Variants in DNAAF5 observed in about 807,000 individuals in gnomAD.
DNAAF5 encodes the protein HEAT repeat containing 2.
Under a neutral mutation model 75.8 loss-of-function variants are expected in DNAAF5, and 64 were observed. The ratio of observed to expected loss-of-function variants is 0.84; its 90% CI spans 0.69 to 1.04. The LOEUF (loss-of-function observed/expected upper bound fraction) is 1.04. Ranked by LOEUF, DNAAF5 falls within the 50% of genes least tolerant of loss-of-function variation. The pLI, the probability that DNAAF5 is intolerant of heterozygous loss-of-function variation, is 0.00. For synonymous variants in DNAAF5, 657 were observed against 557.2 expected, an observed-to-expected ratio of 1.18 and a Z score of -2.52; for missense variants, 1,269 against 1,178.5, an observed-to-expected ratio of 1.08 and a Z score of -1.12.
intron 8 of DNAAF5, among the ~76,000 whole-genome samples, chr7:764,318 G>T (rs79417077): frequency 6.6e-6 from 1 of 152,216 alleles, no homozygotes; most frequent in Non-Finnish European, 1.5e-5. Context: ...GGTGCTGTGT[G>T]TGTGACATGG....
At chr7:751,500 TA>T (rs1782292982) in intron 4 of DNAAF5, among the ~76,000 whole-genome samples, 1 of 151,396 alleles carries the variant, frequency 6.6e-6, no homozygotes, top group Admixed American at 6.6e-5. Flanking sequence ...ACCCTTTCTC[TA>T]AAAATAGAAA....
chr7:754,770 C>T lies in DNAAF5; in HGVS notation c.1206C>T (p.Leu402=). The T allele has an allele frequency of 6.2e-7, 1 of 1,613,110 alleles. No homozygotes were observed. The highest frequency in any genetic ancestry group is 8.5e-7 in the Non-Finnish European group (1 of 1,179,810). The change falls in exon 5 of 13, where the codon CTC becomes CTT. Residue 402 remains leucine, a synonymous_variant. Coordinates refer to ENST00000297440, the MANE Select transcript of DNAAF5 (RefSeq NM_017802.4). The surrounding 1 kb of genome is among the most constrained non-coding windows in gnomAD (Gnocchi z 4.8). ...DHATQHLEVV[L]RTLFQACTDE... is the part of the protein sequence containing the mutation. ...CCACGCAGCACCTGGAGGTCGTCCT[C>T]CGGACCCTGTTCCAGGCCTGCACCG...
chr7:730,138 G>A (rs1000565284), intron 2 of DNAAF5, among the ~76,000 whole-genome samples: 1 of 152,224 alleles, frequency 6.6e-6, no homozygotes, highest in Non-Finnish European at 1.5e-5. Flanking sequence ...AGGTTCCTTA[G>A]TGCTCCCATC....
chr7:781,402 T>A (rs1562403347), intron 12 of DNAAF5, among the ~76,000 whole-genome samples: 1 of 152,230 alleles, frequency 6.6e-6, no homozygotes, highest in East Asian at 1.9e-4. Context: ...CGCTCCACGT[T>A]TTCCTTCTCC....
chr7:776,206 C>A (rs1344357937), intron 11 of DNAAF5, among the ~76,000 whole-genome samples: 1 of 151,984 alleles, frequency 6.6e-6, no homozygotes, highest in Non-Finnish European at 1.5e-5. Context: ...CATGGTGGTG[C>A]GCGCCTGTAG....
chr7:731,769 G>A (rs551267335), intron 2 of DNAAF5, among the ~76,000 whole-genome samples: 27 of 152,048 alleles, frequency 1.8e-4, no homozygotes, highest in African/African-American at 5.8e-4. Flanking sequence ...AGCATGGCCC[G>A]TTTCTTCCCA....
chr7:784,112 A>G (rs1779072673), intron 12 of DNAAF5, among the ~76,000 whole-genome samples: 3 of 147,210 alleles, frequency 2.0e-5, no homozygotes, highest in East Asian at 2.2e-4. Context: ...CCCTGGGCCC[A>G]TGGCAGGCAT....
intron 4 of DNAAF5, chr7:751,041 G>A (rs1713407718): frequency 6.6e-6 from 1 of 152,336 alleles, no homozygotes; most frequent in African/African-American, 2.4e-5. Flanking sequence ...CTACTCAGGA[G>A]GCTGAGACAT....
At chr7:755,073 ATGTTGTGTAGACG>A (rs775875560) in intron 5 of DNAAF5, among the ~76,000 whole-genome samples, 2 of 152,152 alleles carry the variant, frequency 1.3e-5, no homozygotes, top group African/African-American at 2.4e-5. Flanking sequence ...TGCCAGGTGC[ATGTTGTGTAGACG>A]TGTTGTGTAG....
chr7:751,573 T>A (rs1457846317), intron 4 of DNAAF5, among the ~76,000 whole-genome samples: 56 of 19,430 alleles, frequency 2.9e-3, no homozygotes, highest in African/African-American at 0.011. Context: ...GTTCTGAATT[T>A]TTTTTTTTTT....
intron 4 of DNAAF5, among the ~76,000 whole-genome samples, chr7:744,071 T>C (rs1056728905): frequency 6.6e-6 from 1 of 152,108 alleles, no homozygotes. Flanking sequence ...GTATATCTCC[T>C]AATGCTATCC....
intron 2 of DNAAF5, among the ~76,000 whole-genome samples, chr7:737,783 C>T (rs181753148): frequency 6.1e-4 from 93 of 152,328 alleles, no homozygotes; most frequent in African/African-American, 1.1e-3. Flanking sequence ...CGTTGCCAGG[C>T]GTACTGGAGC....
intron 2 of DNAAF5, among the ~76,000 whole-genome samples, chr7:740,526 A>C (rs570804855): frequency 1.2e-4 from 18 of 152,308 alleles, no homozygotes; most frequent in Admixed American, 8.5e-4. Context: ...CAACAGGACC[A>C]GGCCGGGGCA....
intron 6 of DNAAF5, among the ~76,000 whole-genome samples, chr7:757,285 A>C (rs1355471053): frequency 1.4e-5 from 2 of 146,812 alleles, no homozygotes; most frequent in Non-Finnish European, 1.5e-5. Flanking sequence ...TCACGTTTAC[A>C]TTCGTTGCTG....
At chr7:728,995 C>CTTTTTTTTTTTT (rs398003363) in intron 1 of DNAAF5, among the ~76,000 whole-genome samples, 1 of 125,606 alleles carries the variant, frequency 8.0e-6, no homozygotes, top group Non-Finnish European at 1.6e-5. Context: ...TTGGTTCTGA[C>CTTTTTTTTTTTT]TTTTTTTTTT....
Position 726,930 on chromosome 7 carries a change from G to A in DNAAF5, c.210G>A (p.Gln70=), listed in dbSNP as rs924325564. 5.2e-6 allele frequency: 7 copies of A among 1,341,448 alleles called. No individual in the cohort carries two copies. The African/African-American group carries it at 9.2e-5, about 18-fold the overall frequency. The allele number at this position is 1,341,448 out of a possible 1,614,324, so 83.1% of individuals were successfully genotyped here. A position where few individuals can be genotyped will look rare whatever the true frequency, so the allele number is the denominator to read the frequency against. Residue 70 remains glutamine (Q), a synonymous_variant, in exon 1 of 13, where the codon CAG becomes CAA. Coordinates refer to ENST00000297440, the MANE Select transcript of DNAAF5 (RefSeq NM_017802.4). ...CTGCCGCCGACCCCACCGCTTTCCAGGGCCCCTGGGCGCGCCTACTGCTGC... is the reference window on the plus strand; with the variant it reads ...CTGCCGCCGACCCCACCGCTTTCCAAGGCCCCTGGGCGCGCCTACTGCTGC... ...PGPAADPTAF[Q]GPWARLLLPR... is the part of the protein sequence containing the mutation.
At chr7:761,381 A>G (rs558639303) in intron 6 of DNAAF5, among the ~76,000 whole-genome samples, 4 of 152,326 alleles carry the variant, frequency 2.6e-5, no homozygotes, top group African/African-American at 7.2e-5. Context: ...GTCCATTCTC[A>G]TGTCGCTAAT....
intron 4 of DNAAF5, among the ~76,000 whole-genome samples, chr7:751,913 A>G (rs1782309158): frequency 6.6e-6 from 1 of 152,122 alleles, no homozygotes; most frequent in Non-Finnish European, 1.5e-5. Context: ...AAAGTCCCTG[A>G]AGGCTTTTCT....
chr7:776,172 C>T (rs980705521), intron 11 of DNAAF5, among the ~76,000 whole-genome samples: 1 of 151,994 alleles, frequency 6.6e-6, no homozygotes, highest in African/African-American at 2.4e-5. Flanking sequence ...CCTGTCTCTA[C>T]TAAAAATAAA....
Sources: allele counts gnomAD v4.1 joint callset (sites outside exome capture counted in the v4.1 genomes callset), GRCh38; gene constraint gnomAD v4.1.1; non-coding constraint Gnocchi (gnomAD v3.1); transcripts MANE v1.5; gene names NCBI Gene and HGNC (gene_info 2026-07-23, HGNC 2026-07-21).